Variants in SEMA5A observed in about 807,000 individuals in gnomAD.
SEMA5A encodes the protein semaphorin 5A.
A neutral mutation model predicts 135.5 loss-of-function variants in SEMA5A; 55 were observed. The observed-to-expected ratio is 0.41, with a 90% confidence interval of 0.33 to 0.51. The LOEUF is 0.51. SEMA5A is among the 20% of genes least tolerant of loss of function. SEMA5A has a pLI of 0.37. For missense variants in SEMA5A, 1,290 were observed against 1,419.9 expected, an observed-to-expected ratio of 0.91 and a Z score of 1.47; for synonymous variants, 580 against 546.5, an observed-to-expected ratio of 1.06 and a Z score of -0.85.
At chr5:9,238,725 G>GTATA (rs1748045549) in intron 5 of SEMA5A, among the ~76,000 whole-genome samples, 1 of 150,670 alleles carries the variant, frequency 6.6e-6, no homozygotes, top group Admixed American at 6.6e-5. Context: ...TTCTATCATT[G>GTATA]TATAGAGTGT....
In SEMA5A at chr5:9,369,187, T is replaced by G. The variant is rs980579855; in HGVS notation, c.124+10636A>C. On this transcript the variant is annotated intron_variant, in intron 3 of 22. Transcript: ENST00000382496. ...AGATTGTTTTCTTAAGTTGTAAGAC[T>G]TTATATATGCTGGACACAAGACCAC... Among the ~76,000 whole-genome samples, 6 of 152,332 alleles carry G rather than the reference T, an allele frequency of 3.9e-5. No homozygotes were observed. The East Asian group carries it at 1.2e-3, about 29-fold the overall frequency.
At chr5:9,265,617 C>T (rs574965332) in intron 5 of SEMA5A, 1 of 448,324 alleles carries the variant, frequency 2.2e-6, no homozygotes, top group East Asian at 7.0e-5. Flanking sequence ...TCAGCTATCC[C>T]CATAACTCTA....
At chr5:9,173,063 A>G (rs1744012617) in intron 11 of SEMA5A, among the ~76,000 whole-genome samples, 1 of 151,924 alleles carries the variant, frequency 6.6e-6, no homozygotes, top group Admixed American at 6.5e-5. Context: ...CTTAAATGGG[A>G]AAAAAATTCA....
chr5:9,457,671 T>C (rs1161695906), intron 1 of SEMA5A, among the ~76,000 whole-genome samples: 2 of 152,196 alleles, frequency 1.3e-5, no homozygotes, highest in Admixed American at 6.5e-5. Flanking sequence ...CTAACAAGTC[T>C]AGTTGTCTGG....
chr5:9,339,360 AG>A (rs1407753319), intron 3 of SEMA5A, among the ~76,000 whole-genome samples: 1 of 152,186 alleles, frequency 6.6e-6, no homozygotes, highest in Non-Finnish European at 1.5e-5. Context: ...AGAGGGGCAA[AG>A]CAAGACAGCA....
chr5:9,389,387 C>T (rs1243656896), intron 2 of SEMA5A, among the ~76,000 whole-genome samples: 1 of 152,148 alleles, frequency 6.6e-6, no homozygotes, highest in Non-Finnish European at 1.5e-5. Flanking sequence ...AATCTAGACT[C>T]ATACATCAAA....
chr5:9,212,307 T>C (rs1746385324), intron 8 of SEMA5A, among the ~76,000 whole-genome samples: 1 of 152,254 alleles, frequency 6.6e-6, no homozygotes, highest in South Asian at 2.1e-4. Context: ...ACATTTATTA[T>C]CCTGCCTTAC....
intron 1 of SEMA5A, among the ~76,000 whole-genome samples, chr5:9,533,837 T>C (rs1737593121): frequency 6.6e-6 from 1 of 152,182 alleles, no homozygotes; most frequent in Admixed American, 6.5e-5. Flanking sequence ...ACACAAAAGA[T>C]CGAGTGAGCT....
At position 9,040,601 on chromosome 5, in the gene SEMA5A, C is replaced by T. The variant is rs771589319; in HGVS notation, c.*2296G>A. On this transcript the variant is annotated 3_prime_UTR_variant, in exon 23 of 23. Transcript: ENST00000382496. ...CAATTTTCCTTTGAACAGTGTGGTA[C>T]GAAACAAAAATGGGATTCTTTTGCA... 7 of 152,214 alleles carry T rather than the reference C, an allele frequency of 4.6e-5. No homozygotes were observed. The highest frequency in any genetic ancestry group is 7.4e-5 in the Non-Finnish European group (5 of 68,002). 9.4% of individuals were successfully genotyped at this position (152,214 alleles called of 1,614,324 possible).
intron 2 of SEMA5A, among the ~76,000 whole-genome samples, chr5:9,385,023 A>G (rs1755828240): frequency 6.6e-6 from 1 of 152,222 alleles, no homozygotes; most frequent in African/African-American, 2.4e-5. Flanking sequence ...ATATTACGTG[A>G]GTTAATATGA....
At position 9,379,852 on chromosome 5, in the gene SEMA5A, C is replaced by A. The variant is rs746534260; in HGVS notation, c.95G>T (p.Arg32Ile). Reference sequence around the variant, plus strand: ...ATAGGAGATGACTGGATGCTCGGTTCTCTGGCACTGAGTCGTACCCTGGGC... The same window carrying A: ...ATAGGAGATGACTGGATGCTCGGTTATCTGGCACTGAGTCGTACCCTGGGC... ...PEAQGTTQCQ[R>I]TEHPVISYKE... The change falls in exon 3 of 23, where the codon AGA becomes ATA. Residue 32 changes from arginine (R) to isoleucine (I), a missense_variant. This residue lies in a region of SEMA5A where 116 missense variants were observed against 121.3 expected (regional missense o/e 0.96). Transcript: ENST00000382496. The A allele has an allele frequency of 6.2e-7, 1 of 1,613,980 alleles. No homozygotes were observed. Among genetic ancestry groups the A allele is most frequent in the Non-Finnish European group, 8.5e-7 (1 of 1,179,978 alleles).
chr5:9,180,642 T>C (rs1193185421), intron 11 of SEMA5A, among the ~76,000 whole-genome samples: 1 of 152,220 alleles, frequency 6.6e-6, no homozygotes, highest in Admixed American at 6.5e-5. Flanking sequence ...ATTAACTTAA[T>C]TTCTGGTACC....
chr5:9,360,645 G>A (rs1754651299), intron 3 of SEMA5A, among the ~76,000 whole-genome samples: 1 of 152,152 alleles, frequency 6.6e-6, no homozygotes, highest in Non-Finnish European at 1.5e-5. Context: ...AGGACACACT[G>A]GGTGCATACA....
chr5:9,402,452 T>C (rs1756698074), intron 2 of SEMA5A, among the ~76,000 whole-genome samples: 1 of 152,232 alleles, frequency 6.6e-6, no homozygotes, highest in Non-Finnish European at 1.5e-5. Flanking sequence ...TTGAAAGAGT[T>C]ACTAATCTTC....
chr5:9,322,122 C>T (rs1403215818), intron 4 of SEMA5A, among the ~76,000 whole-genome samples: 1 of 152,108 alleles, frequency 6.6e-6, no homozygotes, highest in African/African-American at 2.4e-5. Context: ...AAGATAATGG[C>T]TTATAATAAA....
chr5:9,417,703 G>T (rs1757327658), intron 2 of SEMA5A, among the ~76,000 whole-genome samples: 1 of 152,134 alleles, frequency 6.6e-6, no homozygotes, highest in African/African-American at 2.4e-5. Flanking sequence ...CACATCCCTT[G>T]CCTATCAGCC....
At chr5:9,302,722 A>G (rs1207719525) in intron 5 of SEMA5A, among the ~76,000 whole-genome samples, 2 of 152,216 alleles carry the variant, frequency 1.3e-5, no homozygotes, top group East Asian at 3.9e-4. Context: ...CTACTGTCAC[A>G]TGCTAGCAGA....
intron 11 of SEMA5A, among the ~76,000 whole-genome samples, chr5:9,159,730 C>T (rs1288839775): frequency 1.3e-5 from 2 of 152,146 alleles, no homozygotes; most frequent in Admixed American, 6.5e-5. Context: ...ATAAATCATT[C>T]TACTATAAAG....
chr5:9,144,696 A>G (rs1742237433), intron 12 of SEMA5A, among the ~76,000 whole-genome samples: 1 of 152,130 alleles, frequency 6.6e-6, no homozygotes, highest in Non-Finnish European at 1.5e-5. Flanking sequence ...TCTTGTGTGG[A>G]TAGAGACATG....
Sources: allele counts gnomAD v4.1 joint callset (sites outside exome capture counted in the v4.1 genomes callset), GRCh38; gene constraint gnomAD v4.1.1; regional missense constraint gnomAD v4.1.1; transcripts MANE v1.5; gene names NCBI Gene and HGNC (gene_info 2026-07-23, HGNC 2026-07-21).